PIGN: variants seen among roughly 807,000 people sequenced by gnomAD.
PIGN encodes the protein GPI ethanolamine phosphate transferase 1.
In PIGN, 117 loss-of-function variants were observed where a neutral mutation model predicts 125.4. The ratio of observed to expected loss-of-function variants is 0.93; its 90% confidence interval spans 0.80 to 1.09. The LOEUF (loss-of-function observed/expected upper bound fraction) is 1.09, where lower values mean the gene tolerates loss of function less well. Ranked by LOEUF, PIGN falls within the 50% of genes least tolerant of loss-of-function variation. The probability of loss-of-function intolerance (pLI) is 0.00; values close to 1 mark genes in which losing one functional copy is unlikely to be tolerated. For synonymous variants in PIGN, 392 were observed against 377.8 expected, an observed-to-expected ratio of 1.04 and a Z score of -0.44; for missense variants, 1,075 against 1,094.9, an observed-to-expected ratio of 0.98 and a Z score of 0.26.
intron 22 of PIGN, among the ~76,000 whole-genome samples, chr18:62,098,068 T>C (rs1171050288): frequency 6.6e-6 from 1 of 152,188 alleles, no homozygotes; most frequent in African/African-American, 2.4e-5. Flanking sequence ...ACCTGTCAAA[T>C]AGAGATAACA....
At chr18:62,031,239 G>A (rs568703270) in intron 23 of PIGN, among the ~76,000 whole-genome samples, 8 of 152,284 alleles carry the variant, frequency 5.3e-5, no homozygotes, top group African/African-American at 1.9e-4. Flanking sequence ...AGACATGACT[G>A]CTCCTCATTC....
At chr18:62,158,211 A>G (rs73446780) in intron 4 of PIGN, among the ~76,000 whole-genome samples, 1,766 of 152,304 alleles carry the variant, frequency 0.012, 23 homozygotes, top group East Asian at 0.05. Flanking sequence ...TTTGGGGTAA[A>G]GTTTCTTGCT....
At chr18:62,143,859 C>T (rs1194159161) in intron 10 of PIGN, among the ~76,000 whole-genome samples, 1 of 152,176 alleles carries the variant, frequency 6.6e-6, no homozygotes, top group Non-Finnish European at 1.5e-5. Flanking sequence ...TTAAAATTGT[C>T]TTCAAAGATA....
chr18:62,114,374 A>AG lies in PIGN; in HGVS notation c.1251+186_1251+187insC, dbSNP rs1218765337. On this transcript the variant is annotated intron_variant, in intron 15 of 30. Coordinates refer to ENST00000640252, the MANE Select transcript of PIGN (RefSeq NM_176787.5). Reference sequence around the variant, plus strand: ...CACTCTGTCTCAAAAAAAAAAAAAAAAATTTACCCATAATATTAGTTGAAA... The same window carrying AG: ...CACTCTGTCTCAAAAAAAAAAAAAAAGAATTTACCCATAATATTAGTTGAAA... 2.6e-4 allele frequency among the ~76,000 whole-genome samples: 39 copies of AG among 152,098 alleles called. 1 individual carries two copies. Among genetic ancestry groups the AG allele is most frequent in the Admixed American group, 2.2e-3 (33 of 15,276 alleles).
intron 14 of PIGN, among the ~76,000 whole-genome samples, chr18:62,135,418 A>C (rs1182137139): frequency 6.6e-6 from 1 of 151,982 alleles, no homozygotes; most frequent in Non-Finnish European, 1.5e-5. Flanking sequence ...GTACATGGGA[A>C]TCAGCCATCC....
intron 14 of PIGN, chr18:62,137,863 T>C (rs1380973016): frequency 5.8e-6 from 1 of 172,862 alleles, no homozygotes; most frequent in African/African-American, 2.4e-5. Flanking sequence ...TTCATCTTTG[T>C]CTCCTGAACT....
At chr18:62,184,845 T>A (rs985533391) in intron 1 of PIGN, among the ~76,000 whole-genome samples, 25 of 152,218 alleles carry the variant, frequency 1.6e-4, no homozygotes, top group Admixed American at 1.6e-3. Context: ...AATATTTCAA[T>A]AATTAATAAG....
At chr18:62,031,642 C>T (rs920840056) in intron 23 of PIGN, among the ~76,000 whole-genome samples, 7 of 152,102 alleles carry the variant, frequency 4.6e-5, no homozygotes, top group South Asian at 2.1e-4. Context: ...AGGCACAGCC[C>T]GGATTTTGCC....
At chr18:62,179,514 C>A (rs1448043084) in intron 1 of PIGN, among the ~76,000 whole-genome samples, 7 of 152,124 alleles carry the variant, frequency 4.6e-5, no homozygotes, top group Non-Finnish European at 8.8e-5. Context: ...GAGGCCAAGG[C>A]AGGTGGATCA....
At chr18:62,020,164 A>G (rs934387980) in intron 23 of PIGN, among the ~76,000 whole-genome samples, 2 of 152,206 alleles carry the variant, frequency 1.3e-5, no homozygotes, top group Admixed American at 6.5e-5. Flanking sequence ...CGGAGCCTGA[A>G]CGGGTCTGGA....
intron 30 of PIGN, among the ~76,000 whole-genome samples, chr18:62,062,607 G>A (rs879549383): frequency 6.6e-6 from 1 of 152,098 alleles, no homozygotes; most frequent in Admixed American, 6.5e-5. Context: ...GGAAATCAGG[G>A]CATAGGATCA....
chr18:62,145,797 T>C, intron 10 of PIGN, 112 bp downstream of exon 10: 1 of 625,402 alleles, frequency 1.6e-6, no homozygotes, highest in Non-Finnish European at 2.9e-6. Flanking sequence ...ATGGCACAAA[T>C]GTCAAAATGA....
At position 62,101,130 on chromosome 18, in the gene PIGN, T is replaced by C. The variant is rs3764491; in HGVS notation, c.2022A>G (p.Leu674=). The C allele has an allele frequency of 4.0e-4, 643 of 1,612,262 alleles. 3 individuals are homozygous for C. In the East Asian group the frequency reaches 4.4e-3, roughly 11 times the overall value. The change falls in exon 22 of 31, where the codon CTA becomes CTG. Residue 674 remains leucine (L), a synonymous_variant. Coordinates refer to ENST00000640252, the MANE Select transcript of PIGN (RefSeq NM_176787.5). ...MYVVYSTQSS[L]LRKQGLPLMN... is the part of the protein sequence containing the mutation. Reference sequence around the variant, plus strand: ...TGAGAGGCAGTCCTTGCTTCCTGAGTAGACTACTCTGAGTGCTATACACAA... The same window carrying C: ...TGAGAGGCAGTCCTTGCTTCCTGAGCAGACTACTCTGAGTGCTATACACAA...
Position 62,157,132 on chromosome 18 carries a change from TG to T in PIGN, c.438del (p.Gly148ValfsTer52). ...AAACATAATCAGTGACTCTTACCTT[TG>T]GCAAACATAGGCAGGATATCTGGGC... ...WGSPDILPMF[A>X]KGASGDHVYT... On this transcript the variant is annotated frameshift_variant, in exon 6 of 31. Transcript: ENST00000640252. LOFTEE classifies it high-confidence loss of function. 6.4e-7 allele frequency: 1 copy of T among 1,572,822 alleles called. No individual in the cohort carries two copies. Among genetic ancestry groups the T allele is most frequent in the Non-Finnish European group, 8.7e-7 (1 of 1,145,888 alleles).
At chr18:62,077,778 T>C (rs1463331786) in intron 28 of PIGN, among the ~76,000 whole-genome samples, 1 of 152,220 alleles carries the variant, frequency 6.6e-6, no homozygotes, top group Admixed American at 6.5e-5. Flanking sequence ...AGGTGTGTAT[T>C]AGCTAGGGTT....
chr18:62,063,024 G>C (rs572018780), intron 30 of PIGN, among the ~76,000 whole-genome samples: 1 of 150,468 alleles, frequency 6.6e-6, no homozygotes, highest in East Asian at 2.0e-4. Context: ...CATGATAGAC[G>C]TTAAATGCAA....
At chr18:62,181,736 C>A (rs113089146) in intron 1 of PIGN, among the ~76,000 whole-genome samples, 4 of 151,766 alleles carry the variant, frequency 2.6e-5, no homozygotes, top group African/African-American at 9.7e-5. Context: ...ATTTTTATTT[C>A]TTTTTAGACA....
intron 11 of PIGN, among the ~76,000 whole-genome samples, chr18:62,141,382 C>T (rs1316433724): frequency 1.3e-5 from 2 of 152,342 alleles, no homozygotes; most frequent in East Asian, 3.9e-4. Context: ...GCTGGCATTA[C>T]TAGGCCTTTC....
chr18:62,156,380 G>A (rs2036734257), intron 6 of PIGN, among the ~76,000 whole-genome samples: 1 of 152,036 alleles, frequency 6.6e-6, no homozygotes, highest in Non-Finnish European at 1.5e-5. Flanking sequence ...CCAGGCTGGA[G>A]TGCAGTGGCA....
Sources: allele counts gnomAD v4.1 joint callset (sites outside exome capture counted in the v4.1 genomes callset), GRCh38; gene constraint gnomAD v4.1.1; transcripts MANE v1.5; gene names NCBI Gene and HGNC (gene_info 2026-07-23, HGNC 2026-07-21).